TNR: variants seen among roughly 807,000 people sequenced by gnomAD.
TNR encodes tenascin-R.
TNR carries 45 observed loss-of-function variants against 150.4 expected under a neutral mutation model. That is an observed-to-expected ratio of 0.30 (90% CI 0.24 to 0.38). The LOEUF (loss-of-function observed/expected upper bound fraction) is 0.38. Among genes scored for constraint, TNR ranks in the 10% least tolerant of loss-of-function variants. The probability of loss-of-function intolerance (pLI) is 1.00; values close to 1 mark genes in which losing one functional copy is unlikely to be tolerated. For synonymous variants in TNR, 687 were observed against 678.4 expected (o/e 1.01, Z -0.20); for missense variants, 1,544 against 1,759.1 (o/e 0.88, Z 2.19).
At position 175,354,376 on chromosome 1, in the gene TNR, G is replaced by T. The variant is rs760696728; in HGVS notation, c.3382+15C>A. On this transcript the variant is annotated intron_variant, in intron 18 of 22. Coordinates refer to ENST00000367674, the MANE Select transcript of TNR (RefSeq NM_003285.3). Reference sequence around the variant, plus strand: ...AAGTGGAGAAGAAGGCATCAAAGTGGCCATGCTCCCTCACCTGTGGTGAAA... The same window carrying T: ...AAGTGGAGAAGAAGGCATCAAAGTGTCCATGCTCCCTCACCTGTGGTGAAA... The T allele has an allele frequency of 6.2e-7, 1 of 1,612,654 alleles. No homozygotes were observed. Among genetic ancestry groups the T allele is most frequent in the African/African-American group, 1.3e-5 (1 of 74,884 alleles).
chr1:175,739,297 G>A (rs956412932), intron 1 of TNR, among the ~76,000 whole-genome samples: 2 of 152,148 alleles, frequency 1.3e-5, no homozygotes, highest in Admixed American at 6.5e-5. Context: ...CTCTACTAAA[G>A]ATTCTAATTT....
chr1:175,550,454 A>T (rs993711349), intron 1 of TNR, among the ~76,000 whole-genome samples: 7 of 152,180 alleles, frequency 4.6e-5, no homozygotes, highest in Non-Finnish European at 7.3e-5. Flanking sequence ...AAACAGGAGT[A>T]TTAAGTGAGG....
intron 2 of TNR, among the ~76,000 whole-genome samples, chr1:175,435,105 A>G (rs1655442587): frequency 6.6e-6 from 1 of 152,214 alleles, no homozygotes; most frequent in Non-Finnish European, 1.5e-5. Flanking sequence ...CAGAGGAGTG[A>G]CATGATCTGA....
chr1:175,387,141 G>C (rs1014079587), intron 7 of TNR, among the ~76,000 whole-genome samples: 1 of 152,210 alleles, frequency 6.6e-6, no homozygotes, highest in Admixed American at 6.5e-5. Context: ...TTGAGGTTCT[G>C]TTCATACTGA....
intron 18 of TNR, among the ~76,000 whole-genome samples, chr1:175,350,073 CA>C (rs1434764222): frequency 2.0e-5 from 3 of 152,180 alleles, no homozygotes; most frequent in African/African-American, 7.2e-5. Context: ...CATGATCTGC[CA>C]TCTATTGTTC....
chr1:175,620,795 C>G (rs774693258), intron 1 of TNR, among the ~76,000 whole-genome samples: 1 of 151,952 alleles, frequency 6.6e-6, no homozygotes. Flanking sequence ...ATGGGATGCT[C>G]TTTCATGGAA....
chr1:175,687,361 G>C (rs1276691398), intron 1 of TNR, among the ~76,000 whole-genome samples: 1 of 152,030 alleles, frequency 6.6e-6, no homozygotes, highest in African/African-American at 2.4e-5. Context: ...TCTGTCTCCA[G>C]CCCCTGCCTT....
At chr1:175,453,879 A>T (rs1656437383) in intron 2 of TNR, among the ~76,000 whole-genome samples, 1 of 151,928 alleles carries the variant, frequency 6.6e-6, no homozygotes, top group African/African-American at 2.4e-5. Flanking sequence ...GGCTGTTTTT[A>T]TTTTTTTAAA....
At chr1:175,363,880 G>T in intron 12 of TNR, 53 bp from the exon 13 acceptor site, 1 of 1,565,782 alleles carries the variant, frequency 6.4e-7, no homozygotes, top group Non-Finnish European at 8.7e-7. Context: ...GTGTGAAAAA[G>T]AAATTCTCAT....
At chr1:175,331,075 T>G (rs58233288) in intron 20 of TNR, among the ~76,000 whole-genome samples, 16 of 121,332 alleles carry the variant, frequency 1.3e-4, no homozygotes, top group African/African-American at 5.3e-4. Flanking sequence ...CTTTCTTTCT[T>G]TCCTTCTTTC....
intron 2 of TNR, among the ~76,000 whole-genome samples, chr1:175,410,054 T>C (rs1654139851): frequency 6.6e-6 from 1 of 152,172 alleles, no homozygotes; most frequent in Admixed American, 6.5e-5. Flanking sequence ...GTATAGGGCA[T>C]GGTCAGGACA....
At chr1:175,699,057 C>T (rs2101925313) in intron 1 of TNR, among the ~76,000 whole-genome samples, 1 of 152,226 alleles carries the variant, frequency 6.6e-6, no homozygotes, top group South Asian at 2.1e-4. Context: ...GCAGCCCAGG[C>T]ACAAGGTGAT....
chr1:175,331,003 T>TTCTTTCTTTCTTTCTTTCTTTC (rs1557867096), intron 20 of TNR, among the ~76,000 whole-genome samples: 1 of 26,624 alleles, frequency 3.8e-5, no homozygotes, highest in Non-Finnish European at 7.2e-5. Flanking sequence ...TGGTGATTCT[T>TTCTTTCTTTCTTTCTTTCTTTC]TCTTTCTTTC....
chr1:175,618,616 C>G (rs1045215102), intron 1 of TNR, among the ~76,000 whole-genome samples: 2 of 152,162 alleles, frequency 1.3e-5, no homozygotes, highest in Non-Finnish European at 2.9e-5. Flanking sequence ...TCTCCTTAGC[C>G]CTAGGAGTAG....
intron 2 of TNR, among the ~76,000 whole-genome samples, chr1:175,411,415 G>C (rs1431417969): frequency 1.3e-5 from 2 of 152,112 alleles, no homozygotes; most frequent in South Asian, 2.1e-4. Context: ...TAGTTCCCTA[G>C]GGTTGCTGTA....
chr1:175,673,374 C>T (rs1292325529), intron 1 of TNR, among the ~76,000 whole-genome samples: 2 of 152,112 alleles, frequency 1.3e-5, no homozygotes, highest in Non-Finnish European at 2.9e-5. Context: ...GGGATCCTGC[C>T]CTTCAGGGGT....
At chr1:175,382,172 C>A (rs1019028889) in intron 8 of TNR, among the ~76,000 whole-genome samples, 2 of 152,218 alleles carry the variant, frequency 1.3e-5, no homozygotes, top group African/African-American at 4.8e-5. Context: ...TGTCCAGTTT[C>A]TCCACTGGAA....
At chr1:175,741,448 C>T (rs941581187) in intron 1 of TNR, among the ~76,000 whole-genome samples, 1 of 152,152 alleles carries the variant, frequency 6.6e-6, no homozygotes, top group African/African-American at 2.4e-5. Context: ...TTTAAAAATC[C>T]TCAGTGATGT....
intron 20 of TNR, 133 bp from the exon 21 acceptor site, chr1:175,330,368 G>T (rs1326737408): frequency 4.1e-6 from 4 of 966,732 alleles, no homozygotes; most frequent in East Asian, 2.7e-5. Flanking sequence ...TGCTCTTGGT[G>T]CTTCACAGGT....
Sources: gnomAD v4.1 joint callset for allele counts (sites outside exome capture counted in the v4.1 genomes callset) on GRCh38, gnomAD v4.1.1 for gene constraint, MANE v1.5 for transcripts, NCBI Gene and HGNC (gene_info 2026-07-23, HGNC 2026-07-21) for gene names.